ZFHX3: variants seen among roughly 807,000 people sequenced by gnomAD.
ZFHX3 encodes the protein zinc finger homeobox 3, also known as zinc finger homeobox protein 3.
In ZFHX3, 42 loss-of-function variants were observed where a neutral mutation model predicts 279.1. The ratio of observed to expected loss-of-function variants is 0.15; its 90% confidence interval spans 0.12 to 0.19. The LOEUF is 0.19. Ranked by LOEUF, ZFHX3 falls within the 10% of genes least tolerant of loss-of-function variation. The probability of loss-of-function intolerance (pLI) is 1.00; values close to 1 mark genes in which losing one functional copy is unlikely to be tolerated. For synonymous variants in ZFHX3, 2,293 were observed against 1,957.8 expected (o/e 1.17, Z -4.52); for missense variants, 4,981 against 4,754.0 (o/e 1.05, Z -1.40).
intron 1 of ZFHX3, among the ~76,000 whole-genome samples, chr16:72,978,934 C>G (rs1411640500): frequency 6.6e-6 from 1 of 152,206 alleles, no homozygotes; most frequent in East Asian, 1.9e-4. Context: ...TCACCTAACC[C>G]TCTAGGACAG....
At chr16:73,732,689 T>C (rs1009295778) in intron 1 of ZFHX3, among the ~76,000 whole-genome samples, 1 of 152,234 alleles carries the variant, frequency 6.6e-6, no homozygotes, top group Non-Finnish European at 1.5e-5. Context: ...CCTGTATCTC[T>C]TTTCTAGACC....
chr16:73,479,109 A>G (rs1378063378), intron 2 of ZFHX3, among the ~76,000 whole-genome samples: 2 of 152,184 alleles, frequency 1.3e-5, no homozygotes, highest in Non-Finnish European at 2.9e-5. Context: ...AGACTGTGCT[A>G]GAGCCTGCAG....
intron 5 of ZFHX3, among the ~76,000 whole-genome samples, chr16:73,249,696 C>G (rs1411033209): frequency 6.6e-6 from 1 of 152,072 alleles, no homozygotes; most frequent in Non-Finnish European, 1.5e-5. Context: ...CTAAGATTTC[C>G]TTAGGTTTTA....
At chr16:73,786,402 T>TA (rs574705251) in intron 1 of ZFHX3, among the ~76,000 whole-genome samples, 20 of 151,486 alleles carry the variant, frequency 1.3e-4, no homozygotes, top group South Asian at 6.3e-4. Context: ...ATGAGACACA[T>TA]AAAAAAAAAC....
intron 3 of ZFHX3, among the ~76,000 whole-genome samples, chr16:73,406,879 G>C (rs1355029128): frequency 1.3e-5 from 2 of 152,162 alleles, no homozygotes; most frequent in African/African-American, 4.8e-5. Context: ...GGCTGGGGCT[G>C]GTTTATATTA....
At chr16:73,316,269 G>T (rs553126167) in intron 4 of ZFHX3, among the ~76,000 whole-genome samples, 8 of 152,304 alleles carry the variant, frequency 5.3e-5, no homozygotes, top group African/African-American at 1.9e-4. Flanking sequence ...TAGAGAAAAA[G>T]CAGGGTCTCT....
At chr16:73,459,225 C>T (rs7196463) in intron 2 of ZFHX3, among the ~76,000 whole-genome samples, 1,839 of 152,310 alleles carry the variant, frequency 0.012, 31 homozygotes, top group African/African-American at 0.043. Flanking sequence ...TTGATTCACA[C>T]GCAGTTGAAG....
At chr16:73,309,521 C>A (rs1478109258) in intron 4 of ZFHX3, among the ~76,000 whole-genome samples, 1 of 152,082 alleles carries the variant, frequency 6.6e-6, no homozygotes, top group African/African-American at 2.4e-5. Context: ...TGGAAGGAAC[C>A]CATGAGGGGG....
intron 2 of ZFHX3, chr16:73,609,415 C>A (rs1427673892): frequency 6.6e-6 from 1 of 152,230 alleles, no homozygotes; most frequent in East Asian, 1.9e-4. Context: ...TAAAGCCCTT[C>A]ACTACTGCCC....
At chr16:73,455,387 A>T (rs2143568596) in intron 3 of ZFHX3, among the ~76,000 whole-genome samples, 1 of 152,254 alleles carries the variant, frequency 6.6e-6, no homozygotes, top group South Asian at 2.1e-4. Flanking sequence ...GAAAATAAAG[A>T]CCCAGGGGGC....
At chr16:73,726,184 G>A (rs1050155869) in intron 1 of ZFHX3, among the ~76,000 whole-genome samples, 1 of 152,136 alleles carries the variant, frequency 6.6e-6, no homozygotes, top group Non-Finnish European at 1.5e-5. Flanking sequence ...TAGGGGCGAG[G>A]GGTGATAGAA....
chr16:72,902,285 G>A (rs1320916628), intron 3 of ZFHX3, among the ~76,000 whole-genome samples: 1 of 152,134 alleles, frequency 6.6e-6, no homozygotes, highest in East Asian at 1.9e-4. Context: ...TCTCAATCAG[G>A]TCTGATCAAT....
intron 1 of ZFHX3, among the ~76,000 whole-genome samples, chr16:73,783,560 T>C (rs1959543638): frequency 2.6e-5 from 4 of 152,222 alleles, no homozygotes; most frequent in South Asian, 2.1e-4. Flanking sequence ...TTGTGACCTA[T>C]AGCATGTGGG....
chr16:73,287,435 C>T (rs1444618312), intron 4 of ZFHX3, among the ~76,000 whole-genome samples: 1 of 75,460 alleles, frequency 1.3e-5, no homozygotes, highest in Non-Finnish European at 2.6e-5. Context: ...GTGTGTGGGC[C>T]AGTGTGTGGG....
At chr16:73,098,299 A>T (rs928023389) in intron 7 of ZFHX3, among the ~76,000 whole-genome samples, 1 of 151,822 alleles carries the variant, frequency 6.6e-6, no homozygotes, top group Non-Finnish European at 1.5e-5. Context: ...CGAACTCCTG[A>T]CCTCGTGATC....
At chr16:73,842,623 G>A (rs1961339531) in intron 1 of ZFHX3, among the ~76,000 whole-genome samples, 1 of 152,102 alleles carries the variant, frequency 6.6e-6, no homozygotes, top group South Asian at 2.1e-4. Flanking sequence ...TGTATATGCA[G>A]GACAGTGACA....
At chr16:72,924,723 T>C (rs1388358862) in intron 3 of ZFHX3, among the ~76,000 whole-genome samples, 7 of 152,252 alleles carry the variant, frequency 4.6e-5, no homozygotes, top group African/African-American at 1.7e-4. Context: ...AGTGTGTTAA[T>C]GTGTGATTAA....
At chr16:73,792,688 A>G (rs1211646178) in intron 1 of ZFHX3, among the ~76,000 whole-genome samples, 1 of 152,182 alleles carries the variant, frequency 6.6e-6, no homozygotes, top group Admixed American at 6.5e-5. Context: ...AGCCCACAGC[A>G]TGAACGAATG....
In ZFHX3 at chr16:73,375,160, G is replaced by C. The variant is rs572581968; in HGVS notation, c.-1290-56824C>G. On this transcript the variant is annotated intron_variant, in intron 3 of 17. Transcript: ENST00000641206. ...CCCCATTTGGTTACCTTGAGGTTTTGGTTTTCCTTCATTCATTTTGAATCA... is the reference window on the plus strand; with the variant it reads ...CCCCATTTGGTTACCTTGAGGTTTTCGTTTTCCTTCATTCATTTTGAATCA... Among the ~76,000 whole-genome samples, 9 of 151,970 alleles carry C rather than the reference G, an allele frequency of 5.9e-5. No homozygotes were observed. In the East Asian group the frequency reaches 1.6e-3, roughly 26 times the overall value.
Sources: allele counts gnomAD v4.1 joint callset (sites outside exome capture counted in the v4.1 genomes callset), GRCh38; gene constraint gnomAD v4.1.1; transcripts MANE v1.5; gene names NCBI Gene and HGNC (gene_info 2026-07-23, HGNC 2026-07-21).